The following NCOA2 variants were observed in gnomAD, a reference collection of about 807,000 sequenced individuals.
The protein encoded by NCOA2 is nuclear receptor coactivator 2.
NCOA2 carries 21 observed loss-of-function variants against 145.1 expected under a neutral mutation model. That is an observed-to-expected ratio of 0.14 (90% CI 0.10 to 0.21). The LOEUF (loss-of-function observed/expected upper bound fraction) is 0.21. Among genes scored for constraint, NCOA2 ranks in the 10% least tolerant of loss-of-function variants. The pLI is 1.00. For synonymous variants in NCOA2, 619 were observed against 637.5 expected (o/e 0.97, Z 0.44); for missense variants, 1,472 against 1,837.6 (o/e 0.80, Z 3.64).
At chr8:70,137,891 T>C (rs1399458233) in intron 15 of NCOA2, 2 of 195,742 alleles carry the variant, frequency 1.0e-5, no homozygotes, top group East Asian at 1.2e-4. Context: ...TTCTTCAAGA[T>C]TCTGAAGGCT....
intron 1 of NCOA2, among the ~76,000 whole-genome samples, chr8:70,400,550 A>C (rs1261049516): frequency 6.6e-6 from 1 of 152,208 alleles, no homozygotes; most frequent in Non-Finnish European, 1.5e-5. Flanking sequence ...ATAAGTAACT[A>C]AATTAACAAA....
chr8:70,443,393 T>C, the NCOA2 span, among the ~76,000 whole-genome samples: 1 of 151,858 alleles, frequency 6.6e-6, no homozygotes, highest in African/African-American at 2.4e-5. Flanking sequence ...ATAATAATAC[T>C]AGGTATAATA....
intron 1 of NCOA2, among the ~76,000 whole-genome samples, chr8:70,319,003 C>CT (rs1358425966): frequency 6.6e-6 from 1 of 152,180 alleles, no homozygotes; most frequent in Admixed American, 6.5e-5. Context: ...GCCCTAAGCT[C>CT]TTTCTTGAAA....
intron 1 of NCOA2, among the ~76,000 whole-genome samples, chr8:70,384,271 A>C (rs900228929): frequency 4.0e-5 from 6 of 150,994 alleles, no homozygotes; most frequent in South Asian, 2.1e-4. Flanking sequence ...AAAAAAAAAA[A>C]CACACACACA....
intron 2 of NCOA2, among the ~76,000 whole-genome samples, chr8:70,250,731 C>A (rs1204946403): frequency 6.6e-6 from 1 of 152,066 alleles, no homozygotes; most frequent in Non-Finnish European, 1.5e-5. Context: ...CTTCTTTACA[C>A]ACTATGACCA....
At chr8:70,436,945 GATTTC>G in the NCOA2 span, among the ~76,000 whole-genome samples, 4 of 152,308 alleles carry the variant, frequency 2.6e-5, no homozygotes, top group East Asian at 7.7e-4. Context: ...GGCCATATAG[GATTTC>G]AAAGGGCCTT....
chr8:70,451,036 T>C, the NCOA2 span, among the ~76,000 whole-genome samples: 1 of 149,318 alleles, frequency 6.7e-6, no homozygotes, highest in African/African-American at 2.4e-5. Flanking sequence ...GGTAACATGG[T>C]GAAAGCCTGT....
rs531975158 is a variant in NCOA2, at chr8:70,156,653, G to T, written c.1712C>A (p.Pro571His). The change falls in exon 11 of 23, where the codon CCT becomes CAT. Residue 571 changes from proline (P) to histidine (H), a missense_variant. Around this residue, in one of 4 missense-constraint regions of NCOA2, gnomAD observed 953 missense variants for 1,062.1 expected, o/e 0.90. Transcript: ENST00000452400. ...GCTTCCCATCTTGCTGAGTGGGGGAGGATTCATATTAACTGGGGAGTTTTG... is the reference window on the plus strand; with the variant it reads ...GCTTCCCATCTTGCTGAGTGGGGGATGATTCATATTAACTGGGGAGTTTTG... ...NLQNSPVNMN[P>H]PPLSKMGSLD... 3.1e-6 allele frequency: 5 copies of T among 1,613,954 alleles called. No individual in the cohort carries two copies. In the South Asian group the frequency reaches 5.5e-5, roughly 18 times the overall value.
At chr8:70,448,471 TA>T in the NCOA2 span, among the ~76,000 whole-genome samples, 102 of 152,282 alleles carry the variant, frequency 6.7e-4, no homozygotes, top group African/African-American at 2.4e-3. Context: ...TTTAGTGTAC[TA>T]TACCCTAGGG....
At chr8:70,370,193 A>G (rs531289539) in intron 1 of NCOA2, among the ~76,000 whole-genome samples, 3 of 152,230 alleles carry the variant, frequency 2.0e-5, no homozygotes, top group South Asian at 2.1e-4. Flanking sequence ...CCTTTAAACT[A>G]AATATTTAAA....
chr8:70,311,275 TG>T (rs1305515233), intron 1 of NCOA2, among the ~76,000 whole-genome samples: 2 of 152,010 alleles, frequency 1.3e-5, no homozygotes, highest in African/African-American at 2.4e-5. Context: ...AGGAATAGGG[TG>T]GGGGAAAGTG....
At chr8:70,448,610 A>G in the NCOA2 span, among the ~76,000 whole-genome samples, 1 of 152,198 alleles carries the variant, frequency 6.6e-6, no homozygotes, top group Non-Finnish European at 1.5e-5. Flanking sequence ...AAGGAAAAAA[A>G]CAACATTTTT....
intron 4 of NCOA2, among the ~76,000 whole-genome samples, chr8:70,203,598 A>T (rs1818148877): frequency 6.6e-6 from 1 of 152,126 alleles, no homozygotes; most frequent in Admixed American, 6.5e-5. Flanking sequence ...AGAAATAAGA[A>T]AGAAAGAAAC....
At chr8:70,149,230 G>GT (rs1415707785) in intron 11 of NCOA2, among the ~76,000 whole-genome samples, 16 of 150,280 alleles carry the variant, frequency 1.1e-4, no homozygotes, top group South Asian at 8.4e-4. Context: ...CTATAAAAAT[G>GT]TTTTTTTTGT....
In NCOA2 at chr8:70,110,025, C is replaced by T. The variant is rs1806404193; in HGVS notation, c.*3607G>A. On this transcript the variant is annotated 3_prime_UTR_variant, in exon 23 of 23. Coordinates refer to ENST00000452400, the MANE Select transcript of NCOA2 (RefSeq NM_006540.4). ...AGTCAACTCCATTTTGAAAATAAAT[C>T]ACAACCTGAAACACTGTAAGCTTTC... The T allele has an allele frequency of 5.1e-6, 1 of 194,876 alleles. No individual in the cohort carries two copies. The highest frequency in any genetic ancestry group is 8.1e-5 in the East Asian group (1 of 12,398). 12.1% of individuals were successfully genotyped at this position (194,876 alleles called of 1,614,324 possible). A position where few individuals can be genotyped will look rare whatever the true frequency, so the allele number is the denominator to read the frequency against.
At chr8:70,296,708 A>G (rs1372494876) in intron 2 of NCOA2, 36 bp downstream of exon 2, 3 of 152,168 alleles carry the variant, frequency 2.0e-5, no homozygotes, top group African/African-American at 7.2e-5. Context: ...ATTAAATATC[A>G]AAGTATCCAA....
intron 16 of NCOA2, among the ~76,000 whole-genome samples, chr8:70,129,820 G>A (rs1332170458): frequency 2.6e-5 from 4 of 152,086 alleles, no homozygotes; most frequent in East Asian, 1.9e-4. Flanking sequence ...ACAGGCATGC[G>A]CCACCAAGCC....
In NCOA2 at chr8:70,203,074, C is replaced by A. The variant is rs370392173; in HGVS notation, c.259+10829G>T. The stretch of plus-strand genomic sequence containing the variant: ...GGTCAAAAGATCGAGACCATTCTGG[C>A]CAACACGGTGAAACCCCGTCTCAAC... On this transcript the variant is annotated intron_variant, in intron 4 of 22. Transcript: ENST00000452400. Among the ~76,000 whole-genome samples, 45 of 152,092 alleles carry A rather than the reference C, an allele frequency of 3.0e-4. No individual in the cohort carries two copies. The South Asian group carries it at 3.3e-3, about 11-fold the overall frequency.
At chr8:70,282,317 C>G (rs533883338) in intron 2 of NCOA2, among the ~76,000 whole-genome samples, 1 of 152,140 alleles carries the variant, frequency 6.6e-6, no homozygotes, top group African/African-American at 2.4e-5. Context: ...CAACTGCCAA[C>G]AAAAAGACTG....
Sources: gnomAD v4.1 joint callset for allele counts (sites outside exome capture counted in the v4.1 genomes callset) on GRCh38, gnomAD v4.1.1 for gene constraint, gnomAD v4.1.1 regional missense constraint, MANE v1.5 for transcripts, NCBI Gene and HGNC (gene_info 2026-07-23, HGNC 2026-07-21) for gene names.